Variants in PAPSS1 observed in about 807,000 individuals in gnomAD.
The protein encoded by PAPSS1 is 3'-phosphoadenosine 5'-phosphosulfate synthase 1.
Under a neutral mutation model 72.0 loss-of-function variants are expected in PAPSS1, and 50 were observed. That is an observed-to-expected ratio of 0.69 (90% confidence interval 0.55 to 0.88). PAPSS1 has a LOEUF of 0.88. Ranked by LOEUF, PAPSS1 falls within the 40% of genes least tolerant of loss-of-function variation. The pLI, the probability that PAPSS1 is intolerant of heterozygous loss-of-function variation, is 0.00. For synonymous variants in PAPSS1, 261 were observed against 263.6 expected, an observed-to-expected ratio of 0.99 and a Z score of 0.09; for missense variants, 657 against 782.2, an observed-to-expected ratio of 0.84 and a Z score of 1.91.
At chr4:107,626,920 T>C (rs1726115727) in intron 11 of PAPSS1, among the ~76,000 whole-genome samples, 1 of 152,238 alleles carries the variant, frequency 6.6e-6, no homozygotes, top group Admixed American at 6.5e-5. Flanking sequence ...TATTAAGATT[T>C]GGTAACCCCC....
chr4:107,682,478 G>A (rs564504439), intron 4 of PAPSS1, among the ~76,000 whole-genome samples: 16 of 152,262 alleles, frequency 1.1e-4, no homozygotes, highest in Admixed American at 2.6e-4. Flanking sequence ...CAGGTGTGTC[G>A]GACGTGTTGC....
chr4:107,637,074 C>T (rs925577777), intron 10 of PAPSS1, among the ~76,000 whole-genome samples: 6 of 152,170 alleles, frequency 3.9e-5, no homozygotes, highest in African/African-American at 1.4e-4. Context: ...TGCCATCCAT[C>T]ATAGGTTAAG....
At chr4:107,677,283 T>C (rs906807497) in intron 5 of PAPSS1, among the ~76,000 whole-genome samples, 5 of 152,016 alleles carry the variant, frequency 3.3e-5, no homozygotes, top group African/African-American at 7.2e-5. Context: ...TGCAATCTAC[T>C]CATCTGACAA....
intron 2 of PAPSS1, among the ~76,000 whole-genome samples, chr4:107,699,150 TAAA>T (rs1303838886): frequency 1.3e-5 from 2 of 152,126 alleles, no homozygotes; most frequent in East Asian, 3.9e-4. Context: ...CCCAATATTC[TAAA>T]GATCAATTTT....
chr4:107,647,352 G>A (rs1377108691), intron 9 of PAPSS1, among the ~76,000 whole-genome samples: 3 of 152,190 alleles, frequency 2.0e-5, no homozygotes, highest in Non-Finnish European at 4.4e-5. Context: ...ACCTATACAT[G>A]ACACTGCTGG....
intron 11 of PAPSS1, among the ~76,000 whole-genome samples, chr4:107,623,446 A>G (rs1726019782): frequency 6.6e-6 from 1 of 152,210 alleles, no homozygotes; most frequent in African/African-American, 2.4e-5. Context: ...GAATGCTTAG[A>G]GGCCTGCCTA....
At chr4:107,618,924 C>A (rs946231771) in intron 11 of PAPSS1, among the ~76,000 whole-genome samples, 1 of 152,086 alleles carries the variant, frequency 6.6e-6, no homozygotes, top group African/African-American at 2.4e-5. Flanking sequence ...CTGGTTTGGT[C>A]AATAATAATT....
intron 1 of PAPSS1, among the ~76,000 whole-genome samples, chr4:107,715,527 T>C (rs987378864): frequency 1.3e-5 from 2 of 152,254 alleles, no homozygotes; most frequent in African/African-American, 4.8e-5. Flanking sequence ...AGTATTCAGC[T>C]AAATCCAGAA....
chr4:107,639,334 A>G (rs1295997547), intron 10 of PAPSS1, among the ~76,000 whole-genome samples: 2 of 152,178 alleles, frequency 1.3e-5, no homozygotes, highest in African/African-American at 2.4e-5. Context: ...AACACACTCT[A>G]AATACATTTG....
intron 3 of PAPSS1, among the ~76,000 whole-genome samples, chr4:107,688,190 T>C (rs1364164715): frequency 6.6e-6 from 1 of 152,158 alleles, no homozygotes; most frequent in African/African-American, 2.4e-5. Flanking sequence ...ATCTTCAGCA[T>C]TCCCCCTTTG....
intron 1 of PAPSS1, among the ~76,000 whole-genome samples, chr4:107,705,127 C>T (rs1312624000): frequency 6.6e-6 from 1 of 152,146 alleles, no homozygotes; most frequent in African/African-American, 2.4e-5. Flanking sequence ...TTCTTTTCTT[C>T]TAGTGTCCTT....
At chr4:107,679,897 A>G (rs1324951924) in intron 5 of PAPSS1, among the ~76,000 whole-genome samples, 2 of 152,236 alleles carry the variant, frequency 1.3e-5, no homozygotes, top group African/African-American at 4.8e-5. Flanking sequence ...CTATCAAAAA[A>G]AAGTCAAATA....
At chr4:107,618,075 T>C (rs1283783281) in intron 11 of PAPSS1, among the ~76,000 whole-genome samples, 1 of 152,022 alleles carries the variant, frequency 6.6e-6, no homozygotes, top group Non-Finnish European at 1.5e-5. Context: ...AAAACTAAAA[T>C]AAAAACTGAG....
intron 5 of PAPSS1, among the ~76,000 whole-genome samples, chr4:107,679,852 T>C (rs1727756019): frequency 6.6e-6 from 1 of 151,738 alleles, no homozygotes; most frequent in South Asian, 2.1e-4. Context: ...ACAGCATGCA[T>C]GGAGAGATGG....
chr4:107,659,721 T>C (rs907234046), intron 6 of PAPSS1, among the ~76,000 whole-genome samples: 1 of 152,176 alleles, frequency 6.6e-6, no homozygotes, highest in African/African-American at 2.4e-5. Flanking sequence ...TGTTCTTTGA[T>C]AGTTCAAAAT....
At chr4:107,714,260 G>T (rs993246415) in intron 1 of PAPSS1, among the ~76,000 whole-genome samples, 3 of 151,770 alleles carry the variant, frequency 2.0e-5, no homozygotes, top group Non-Finnish European at 2.9e-5. Flanking sequence ...TCCATCCACC[G>T]ACCCCCACCC....
chr4:107,703,775 C>A (rs2726166), intron 1 of PAPSS1, among the ~76,000 whole-genome samples: 126,144 of 152,144 alleles, frequency 0.83, 54,024 homozygotes, highest in South Asian at 0.95. Flanking sequence ...TTTAAAGTTA[C>A]GTAATGTTAA....
intron 3 of PAPSS1, among the ~76,000 whole-genome samples, chr4:107,692,757 T>C (rs1722964053): frequency 6.6e-6 from 1 of 151,070 alleles, no homozygotes; most frequent in Admixed American, 6.6e-5. Context: ...AACGATAGAC[T>C]GGATAAAGAA....
At chr4:107,629,836 C>T (rs1393218746) in intron 11 of PAPSS1, among the ~76,000 whole-genome samples, 1 of 152,134 alleles carries the variant, frequency 6.6e-6, no homozygotes, top group Non-Finnish European at 1.5e-5. Flanking sequence ...AGAAAGTTAG[C>T]CAAATCTTTA....
Sources: gnomAD v4.1 joint callset for allele counts (sites outside exome capture counted in the v4.1 genomes callset) on GRCh38, gnomAD v4.1.1 for gene constraint, MANE v1.5 for transcripts, NCBI Gene and HGNC (gene_info 2026-07-23, HGNC 2026-07-21) for gene names.